FXR2: variants seen among roughly 807,000 people sequenced by gnomAD.
FXR2 encodes FMR1 autosomal homolog 2.
Under a neutral mutation model 87.3 loss-of-function variants are expected in FXR2, and 9 were observed. The ratio of observed to expected loss-of-function variants is 0.10; its 90% CI spans 0.06 to 0.18. The LOEUF is 0.18. Among genes scored for constraint, FXR2 ranks in the 10% least tolerant of loss-of-function variants. The pLI, the probability that FXR2 is intolerant of heterozygous loss-of-function variation, is 1.00. For missense variants in FXR2, 661 were observed against 893.6 expected (o/e 0.74, Z 3.32); for synonymous variants, 331 against 328.3 (o/e 1.01, Z -0.09).
intron 1 of FXR2, 123 bp from the exon 2 acceptor site, chr17:7,606,272 G>A (rs2071802166): frequency 1.5e-6 from 1 of 649,964 alleles, no homozygotes. Context: ...CACAAGTGGT[G>A]TAATGAGACA....
Position 7,603,741 on chromosome 17 carries a change from C to T in FXR2, c.449+16G>A, listed in dbSNP as rs2071779165. 1.2e-6 allele frequency: 2 copies of T among 1,612,964 alleles called. No individual in the cohort carries two copies. The highest frequency in any genetic ancestry group is 1.1e-5 in the South Asian group (1 of 91,058). The stretch of plus-strand genomic sequence containing the variant: ...CTGTAAAGAGGGCCCTCATTCCCAC[C>T]ATCCTTAACACTCACGCTTCTCTCA... On this transcript the variant is annotated intron_variant, in intron 5 of 16. Coordinates refer to ENST00000250113, the MANE Select transcript of FXR2 (RefSeq NM_004860.4).
In FXR2 at chr17:7,592,229, G is replaced by GCT; in HGVS notation, c.1926+24_1926+25insAG. On this transcript the variant is annotated intron_variant, in intron 16 of 16. Transcript: ENST00000250113. This position sits in a 1 kb window ranked among gnomAD's most constrained non-coding sequence, Gnocchi z 4.8. Reference sequence around the variant, plus strand: ...CAGAGTAACAACAAAAAAGGGATGGGGTAAAGCACATCTTGCCTGCCTACC... The same window carrying GCT: ...CAGAGTAACAACAAAAAAGGGATGGGCTGTAAAGCACATCTTGCCTGCCTACC... 1 of 1,572,618 alleles carries GCT rather than the reference G, an allele frequency of 6.4e-7. No homozygotes were observed. Among genetic ancestry groups the GCT allele is most frequent in the East Asian group, 2.2e-5 (1 of 44,526 alleles).
intron 7 of FXR2, among the ~76,000 whole-genome samples, chr17:7,598,742 G>GTCA (rs1399694312): frequency 6.6e-6 from 1 of 151,964 alleles, no homozygotes; most frequent in African/African-American, 2.4e-5. Flanking sequence ...GGTGCAATGG[G>GTCA]TCATGTCTAT....
chr17:7,608,349 T>TG, intron 1 of FXR2, among the ~76,000 whole-genome samples: 1 of 150,992 alleles, frequency 6.6e-6, no homozygotes, highest in East Asian at 1.9e-4. Context: ...ATCCCAACAC[T>TG]GGGAGGCCGA....
intron 5 of FXR2, 72 bp downstream of exon 5, chr17:7,603,685 T>C (rs932220113): frequency 2.7e-6 from 4 of 1,471,424 alleles, no homozygotes; most frequent in Non-Finnish European, 3.8e-6. Context: ...GTGGGAGTGA[T>C]GCCTGGGAGA....
At chr17:7,597,218 G>A (rs1022519792) in intron 7 of FXR2, among the ~76,000 whole-genome samples, 3 of 152,172 alleles carry the variant, frequency 2.0e-5, no homozygotes, top group African/African-American at 7.2e-5. Context: ...AGACAGGAAA[G>A]GTTTTAGAGG....
Position 7,593,067 on chromosome 17 carries a change from C to G in FXR2, c.1445G>C (p.Arg482Thr). The change falls in exon 13 of 17, where the codon AGG becomes ACG. Residue 482 changes from arginine to threonine, a missense_variant. This residue lies in a region of FXR2 where 409 missense variants were observed against 432.0 expected (regional missense o/e 0.95). Transcript: ENST00000250113. This position sits in a 1 kb window ranked among gnomAD's most constrained non-coding sequence, Gnocchi z 6.1. ...CCTACCCCGGCCCCCAGTCGGCCGC[C>G]TCCGGCTTTCTTCCCCTCGGGTTGG... ...DPPTRGEESR[R>T]RPTGGRGRGP... The G allele has an allele frequency of 6.3e-7, 1 of 1,590,282 alleles. No homozygotes were observed. The highest frequency in any genetic ancestry group is 8.5e-7 in the Non-Finnish European group (1 of 1,170,432).
rs1286060397 is a variant in FXR2 at position 7,593,839 on chromosome 17, C to T, written c.1107+79G>A. 1.8e-5 allele frequency: 18 copies of T among 1,013,256 alleles called. No homozygotes were observed. Among genetic ancestry groups the T allele is most frequent in the Non-Finnish European group, 2.7e-5 (17 of 640,500 alleles). 62.8% of individuals were successfully genotyped at this position (1,013,256 alleles called of 1,614,324 possible). On this transcript the variant is annotated intron_variant, in intron 11 of 16. Coordinates refer to ENST00000250113, the MANE Select transcript of FXR2 (RefSeq NM_004860.4). The surrounding 1 kb of genome is among the most constrained non-coding windows in gnomAD (Gnocchi z 6.1). Reference sequence around the variant, plus strand: ...TCTACACGGAGAGACAAACAGAGAACCAAAATCCCTGAGCTGACCCCCACA... The same window carrying T: ...TCTACACGGAGAGACAAACAGAGAATCAAAATCCCTGAGCTGACCCCCACA...
rs1334226791 is a variant in FXR2, at chr17:7,593,379, C to T, written c.1330+24G>A. 1.3e-6 allele frequency: 2 copies of T among 1,527,500 alleles called. No individual in the cohort carries two copies. The highest frequency in any genetic ancestry group is 1.8e-6 in the Non-Finnish European group (2 of 1,125,036). 94.6% of individuals were successfully genotyped at this position (1,527,500 alleles called of 1,614,324 possible). ...ACCCACAAGCCCTGCCACTCCTTGCCTCCTGTTCCCATAACTGTCTCACCA... is the reference window on the plus strand; with the variant it reads ...ACCCACAAGCCCTGCCACTCCTTGCTTCCTGTTCCCATAACTGTCTCACCA... On this transcript the variant is annotated intron_variant, in intron 12 of 16. Transcript: ENST00000250113. The surrounding 1 kb of genome is among the most constrained non-coding windows in gnomAD (Gnocchi z 6.1).
chr17:7,593,806 T>C lies in FXR2; in HGVS notation c.1107+112A>G. On this transcript the variant is annotated intron_variant, in intron 11 of 16. Transcript: ENST00000250113. This position sits in a 1 kb window ranked among gnomAD's most constrained non-coding sequence, Gnocchi z 6.1. Reference sequence around the variant, plus strand: ...CTATAGCCCCAAATTTCCACAGATGTTTTCTGTTCTACACGGAGAGACAAA... The same window carrying C: ...CTATAGCCCCAAATTTCCACAGATGCTTTCTGTTCTACACGGAGAGACAAA... 3.6e-6 allele frequency: 3 copies of C among 843,096 alleles called. No homozygotes were observed. Among genetic ancestry groups the C allele is most frequent in the Non-Finnish European group, 5.8e-6 (3 of 513,026 alleles). The allele number at this position is 843,096 out of a possible 1,614,324, so 52.2% of individuals were successfully genotyped here. A position where few individuals can be genotyped will look rare whatever the true frequency, so the allele number is the denominator to read the frequency against.
chr17:7,601,035 C>T (rs1030886870), intron 7 of FXR2, among the ~76,000 whole-genome samples: 1 of 147,976 alleles, frequency 6.8e-6, no homozygotes, highest in Non-Finnish European at 1.5e-5. Context: ...AAAACTTAGC[C>T]GGGTGTGGTG....
intron 1 of FXR2, chr17:7,613,915 G>A (rs1199508018): frequency 1.2e-5 from 5 of 404,200 alleles, no homozygotes; most frequent in African/African-American, 1.0e-4. Context: ...AAATGGATCT[G>A]ACCATTTCTC....
At chr17:7,606,342 T>C (rs1284869891) in intron 1 of FXR2, among the ~76,000 whole-genome samples, 193 bp from the exon 2 acceptor site, 1 of 152,004 alleles carries the variant, frequency 6.6e-6, no homozygotes, top group Non-Finnish European at 1.5e-5. Flanking sequence ...GGAAATGATA[T>C]TGTCATGGAG....
chr17:7,600,586 C>T (rs2071746850), intron 7 of FXR2, among the ~76,000 whole-genome samples: 1 of 152,128 alleles, frequency 6.6e-6, no homozygotes, highest in Admixed American at 6.5e-5. Flanking sequence ...TCTCTTGAGC[C>T]TAGAAGTTCA....
intron 6 of FXR2, among the ~76,000 whole-genome samples, chr17:7,602,035 G>A (rs1027036091): frequency 6.6e-5 from 10 of 152,184 alleles, no homozygotes; most frequent in African/African-American, 2.2e-4. Flanking sequence ...CAAGGAGCAA[G>A]CATAAGGTGA....
At chr17:7,603,929 A>C (rs751534835) in intron 4 of FXR2, 24 bp from the exon 5 acceptor site, 2 of 1,613,630 alleles carry the variant, frequency 1.2e-6, no homozygotes, top group Non-Finnish European at 1.7e-6. Flanking sequence ...AAAAAGGAGA[A>C]GTTGTGGATG....
rs546830486 is a variant in FXR2, at chr17:7,611,564, A to G, written c.81+2888T>C. Among the ~76,000 whole-genome samples the G allele has an allele frequency of 1.6e-4, 24 of 152,258 alleles. No individual in the cohort carries two copies. In the South Asian group the frequency reaches 3.7e-3, roughly 24 times the overall value. ...ACACCTGTAATCCCAGCTACTCGGGAGGCTGAGGCACAAGAATCACTTGAA... is the reference window on the plus strand; with the variant it reads ...ACACCTGTAATCCCAGCTACTCGGGGGGCTGAGGCACAAGAATCACTTGAA... On this transcript the variant is annotated intron_variant, in intron 1 of 16. Coordinates refer to ENST00000250113, the MANE Select transcript of FXR2 (RefSeq NM_004860.4).
Position 7,594,891 on chromosome 17 carries a change from C to A in FXR2, c.832-134G>T. The A allele has an allele frequency of 1.5e-6, 1 of 656,706 alleles. No individual in the cohort carries two copies. Among genetic ancestry groups the A allele is most frequent in the South Asian group, 1.7e-5 (1 of 58,470 alleles). The allele number at this position is 656,706 out of a possible 1,614,324, so 40.7% of individuals were successfully genotyped here. A position where few individuals can be genotyped will look rare whatever the true frequency, so the allele number is the denominator to read the frequency against. ...TTGAGCTCAAGAGTTCAAGACTAGC[C>A]TGGGCAATATGGTGAAACGCCATCT... On this transcript the variant is annotated intron_variant, in intron 8 of 16. Transcript: ENST00000250113. This position sits in a 1 kb window ranked among gnomAD's most constrained non-coding sequence, Gnocchi z 5.1.
chr17:7,593,389 C>T lies in FXR2; in HGVS notation c.1330+14G>A. On this transcript the variant is annotated intron_variant, in intron 12 of 16. Coordinates refer to ENST00000250113, the MANE Select transcript of FXR2 (RefSeq NM_004860.4). The surrounding 1 kb of genome is among the most constrained non-coding windows in gnomAD (Gnocchi z 6.1). Reference sequence around the variant, plus strand: ...CCTGCCACTCCTTGCCTCCTGTTCCCATAACTGTCTCACCATAGGCAGGAC... The same window carrying T: ...CCTGCCACTCCTTGCCTCCTGTTCCTATAACTGTCTCACCATAGGCAGGAC... 6.5e-7 allele frequency: 1 copy of T among 1,546,474 alleles called. No individual in the cohort carries two copies. Among genetic ancestry groups the T allele is most frequent in the Non-Finnish European group, 8.8e-7 (1 of 1,140,624 alleles).
Sources: gnomAD v4.1 joint callset for allele counts (sites outside exome capture counted in the v4.1 genomes callset) on GRCh38, gnomAD v4.1.1 for gene constraint, gnomAD v4.1.1 regional missense constraint, Gnocchi (gnomAD v3.1) non-coding constraint, MANE v1.5 for transcripts, NCBI Gene and HGNC (gene_info 2026-07-23, HGNC 2026-07-21) for gene names.